Variants in ORAI2 observed in about 807,000 individuals in gnomAD.
The protein encoded by ORAI2 is ORAI calcium release-activated calcium modulator 2, also known as protein orai-2.
Under a neutral mutation model 16.2 loss-of-function variants are expected in ORAI2, and 10 were observed. The observed-to-expected ratio is 0.62, with a 90% CI of 0.38 to 1.04. The LOEUF (loss-of-function observed/expected upper bound fraction) is 1.04. Ranked by LOEUF, ORAI2 falls within the 50% of genes least tolerant of loss-of-function variation. The pLI is 0.01. For missense variants in ORAI2, 238 were observed against 355.5 expected (o/e 0.67, Z 2.66); for synonymous variants, 150 against 157.5 (o/e 0.95, Z 0.35).
At position 102,446,835 on chromosome 7, in the gene ORAI2, G is replaced by GC; in HGVS notation, c.554dup (p.Pro186ThrfsTer63). 1 of 1,613,796 alleles carries GC rather than the reference G, an allele frequency of 6.2e-7. No homozygotes were observed. Among genetic ancestry groups the GC allele is most frequent in the Non-Finnish European group, 8.5e-7 (1 of 1,179,992 alleles). On this transcript the variant is annotated frameshift_variant, in exon 4 of 4. Coordinates refer to ENST00000495936, the MANE Select transcript of ORAI2 (RefSeq NM_001126340.3). LOFTEE classifies it high-confidence loss of function. ...CCCGTGGATGCCCGGCGCCAGCCTGGCCCCCCACCTGGCCCTGGGAGTCAC... is the reference window on the plus strand; with the variant it reads ...CCCGTGGATGCCCGGCGCCAGCCTGGCCCCCCCACCTGGCCCTGGGAGTCAC...
intron 3 of ORAI2, among the ~76,000 whole-genome samples, chr7:102,444,469 T>G (rs1330980418): frequency 6.6e-6 from 1 of 150,726 alleles, no homozygotes; most frequent in Admixed American, 6.7e-5. Context: ...GCCAGGCTGG[T>G]CTCCAACTCC....
rs1348429625 is a variant in ORAI2 at position 102,456,714 on chromosome 7, C to T, written c.*9662C>T. ...CAGCTCTTTAGTCTAAACTTCAAATCTTCAACCCTGTTCCCTAATCCAACA... is the reference window on the plus strand; with the variant it reads ...CAGCTCTTTAGTCTAAACTTCAAATTTTCAACCCTGTTCCCTAATCCAACA... On this transcript the variant is annotated 3_prime_UTR_variant, in exon 4 of 4. Coordinates refer to ENST00000495936, the MANE Select transcript of ORAI2 (RefSeq NM_001126340.3). 2 of 152,228 alleles carry T rather than the reference C, an allele frequency of 1.3e-5. No individual in the cohort carries two copies. Among genetic ancestry groups the T allele is most frequent in the African/African-American group, 4.8e-5 (2 of 41,450 alleles). The allele number at this position is 152,228 out of a possible 1,614,324, so 9.4% of individuals were successfully genotyped here.
chr7:102,453,148 A>AT lies in ORAI2; in HGVS notation c.*6101dup, dbSNP rs1242600848. 1 of 151,700 alleles carries AT rather than the reference A, an allele frequency of 6.6e-6. No individual in the cohort carries two copies. Among genetic ancestry groups the AT allele is most frequent in the Non-Finnish European group, 1.5e-5 (1 of 67,926 alleles). 9.4% of individuals were successfully genotyped at this position (151,700 alleles called of 1,614,324 possible). A position where few individuals can be genotyped will look rare whatever the true frequency, so the allele number is the denominator to read the frequency against. ...GCCACCACACCTGGCTTATTTTTGT[A>AT]TTTTTAGTAGAGATGGGGTTTCTCC... On this transcript the variant is annotated 3_prime_UTR_variant, in exon 4 of 4. Transcript: ENST00000495936.
intron 3 of ORAI2, among the ~76,000 whole-genome samples, chr7:102,439,394 G>T (rs1444433263): frequency 1.3e-5 from 2 of 152,144 alleles, no homozygotes; most frequent in African/African-American, 4.8e-5. Flanking sequence ...CCCAGCTCTA[G>T]AATCTTCAGA....
intron 2 of ORAI2, among the ~76,000 whole-genome samples, chr7:102,438,394 C>T (rs906058645): frequency 6.6e-6 from 1 of 152,136 alleles, no homozygotes. Context: ...GAAATATCCC[C>T]ATTCTCACGA....
chr7:102,442,822 C>T (rs1296350413), intron 3 of ORAI2, among the ~76,000 whole-genome samples: 1 of 151,216 alleles, frequency 6.6e-6, no homozygotes, highest in Non-Finnish European at 1.5e-5. Context: ...TGCCACTGCA[C>T]TCCACCCTGG....
In ORAI2 at chr7:102,433,893, G is replaced by C. The variant is rs550724127; in HGVS notation, c.-123+232G>C. 1.3e-5 allele frequency among the ~76,000 whole-genome samples: 2 copies of C among 151,914 alleles called. No individual in the cohort carries two copies. The highest frequency in any genetic ancestry group is 4.8e-5 in the African/African-American group (2 of 41,386). ...CGGTTCCGGACACCGGGGCGTCCCTGGGGGAGGGACAGGGATGCAGCCTAG... is the reference window on the plus strand; with the variant it reads ...CGGTTCCGGACACCGGGGCGTCCCTCGGGGAGGGACAGGGATGCAGCCTAG... On this transcript the variant is annotated intron_variant, in intron 1 of 3. Transcript: ENST00000495936. This position sits in a 1 kb window ranked among gnomAD's most constrained non-coding sequence, Gnocchi z 4.6.
intron 2 of ORAI2, among the ~76,000 whole-genome samples, chr7:102,438,711 T>G (rs1219025502): frequency 6.6e-6 from 1 of 151,438 alleles, no homozygotes; most frequent in South Asian, 2.1e-4. Flanking sequence ...AGCTGGAGTT[T>G]CCAATGAGGT....
At chr7:102,446,138 A>G (rs562381908) in intron 3 of ORAI2, among the ~76,000 whole-genome samples, 14 of 152,102 alleles carry the variant, frequency 9.2e-5, no homozygotes, top group Middle Eastern at 3.4e-3. Flanking sequence ...TAGTAGAGAC[A>G]GGGTTTCACC....
Position 102,448,293 on chromosome 7 carries a change from C to G in ORAI2, c.*1241C>G, listed in dbSNP as rs755440145. 6.6e-6 allele frequency: 1 copy of G among 152,322 alleles called. No individual in the cohort carries two copies. 9.4% of individuals were successfully genotyped at this position (152,322 alleles called of 1,614,324 possible). A position where few individuals can be genotyped will look rare whatever the true frequency, so the allele number is the denominator to read the frequency against. On this transcript the variant is annotated 3_prime_UTR_variant, in exon 4 of 4. Coordinates refer to ENST00000495936, the MANE Select transcript of ORAI2 (RefSeq NM_001126340.3). ...TCTGGTAGACCCGAAGCCACGCTCT[C>G]GGGCCGCACATGCACGCCGCAGCAC...
chr7:102,447,187 G>A lies in ORAI2; in HGVS notation c.*135G>A. The stretch of plus-strand genomic sequence containing the variant: ...TTTTCCTCTTGTCTTAATACCATAA[G>A]GACTGGATGACTTCTCCTGAGATAG... On this transcript the variant is annotated 3_prime_UTR_variant, in exon 4 of 4. Transcript: ENST00000495936. The A allele has an allele frequency of 1.0e-6, 1 of 965,130 alleles. No individual in the cohort carries two copies. The highest frequency in any genetic ancestry group is 1.5e-6 in the Non-Finnish European group (1 of 670,764). 59.8% of individuals were successfully genotyped at this position (965,130 alleles called of 1,614,324 possible). A position where few individuals can be genotyped will look rare whatever the true frequency, so the allele number is the denominator to read the frequency against.
At position 102,436,435 on chromosome 7, in the gene ORAI2, A is replaced by G. The variant is rs1034819418; in HGVS notation, c.-14+102A>G. 6 of 727,494 alleles carry G rather than the reference A, an allele frequency of 8.2e-6. No individual in the cohort carries two copies. In the South Asian group the frequency reaches 3.7e-4, roughly 45 times the overall value. The allele number at this position is 727,494 out of a possible 1,614,324, so 45.1% of individuals were successfully genotyped here. ...GTAGCCTTGTTGAGAACAAAGGGAA[A>G]GGCGACACTGTTTTCCACCTCCAGC... On this transcript the variant is annotated intron_variant, in intron 2 of 3. Coordinates refer to ENST00000495936, the MANE Select transcript of ORAI2 (RefSeq NM_001126340.3).
At position 102,437,790 on chromosome 7, in the gene ORAI2, C is replaced by T. The variant is rs143442642; in HGVS notation, c.-13-1154C>T. 9.1e-4 allele frequency among the ~76,000 whole-genome samples: 139 copies of T among 152,246 alleles called. 1 individual carries two copies. The East Asian group carries it at 0.022, about 24-fold the overall frequency. ...GTGAGGCCGGGTGCAGTGGCCCACA[C>T]GTGTAATCCCAGCACTTTGGGAGGT... On this transcript the variant is annotated intron_variant, in intron 2 of 3. Coordinates refer to ENST00000495936, the MANE Select transcript of ORAI2 (RefSeq NM_001126340.3).
Position 102,449,167 on chromosome 7 carries a change from C to T in ORAI2, c.*2115C>T, listed in dbSNP as rs1797458750. 1.3e-5 allele frequency: 2 copies of T among 152,264 alleles called. No individual in the cohort carries two copies. Among genetic ancestry groups the T allele is most frequent in the Admixed American group, 1.3e-4 (2 of 15,276 alleles). 9.4% of individuals were successfully genotyped at this position (152,264 alleles called of 1,614,324 possible). A position where few individuals can be genotyped will look rare whatever the true frequency, so the allele number is the denominator to read the frequency against. ...CTGAGGGGTTCGTCCTTTGTGTCCC[C>T]TGCAGACATTTGTCTGCGACCTTTG... On this transcript the variant is annotated 3_prime_UTR_variant, in exon 4 of 4. Coordinates refer to ENST00000495936, the MANE Select transcript of ORAI2 (RefSeq NM_001126340.3).
Position 102,447,139 on chromosome 7 carries a change from T to A in ORAI2, c.*87T>A. 2.2e-6 allele frequency: 3 copies of A among 1,393,092 alleles called. No individual in the cohort carries two copies. The highest frequency in any genetic ancestry group is 2.8e-6 in the Non-Finnish European group (3 of 1,059,386). The allele number at this position is 1,393,092 out of a possible 1,614,324, so 86.3% of individuals were successfully genotyped here. A position where few individuals can be genotyped will look rare whatever the true frequency, so the allele number is the denominator to read the frequency against. On this transcript the variant is annotated 3_prime_UTR_variant, in exon 4 of 4. Transcript: ENST00000495936. ...GTCAGATGCAGACATTTTGCAAGGC[T>A]GCCGGGTAGTTCAAGACCAAAGTTT...
rs1797518100 is a variant in ORAI2, at chr7:102,451,505, A to G, written c.*4453A>G. 6.6e-6 allele frequency: 1 copy of G among 152,214 alleles called. No individual in the cohort carries two copies. The highest frequency in any genetic ancestry group is 1.5e-5 in the Non-Finnish European group (1 of 68,078). The allele number at this position is 152,214 out of a possible 1,614,324, so 9.4% of individuals were successfully genotyped here. ...CTTACCTGCCTCGTGCTGATGATCT[A>G]TGCATGGCGTTATGTAGATCACGTG... On this transcript the variant is annotated 3_prime_UTR_variant, in exon 4 of 4. Coordinates refer to ENST00000495936, the MANE Select transcript of ORAI2 (RefSeq NM_001126340.3).
In ORAI2 at chr7:102,446,832, C is replaced by T. The variant is rs1162288359; in HGVS notation, c.545C>T (p.Pro182Leu). Residue 182 changes from proline (P) to leucine (L), a missense_variant, in exon 4 of 4, where the codon CCT becomes CTT. Physicochemically the swap from Pro to Leu is moderately conservative, Grantham distance 98. This residue lies in a region of ORAI2 where 176 missense variants were observed against 265.9 expected (regional missense o/e 0.66). Transcript: ENST00000495936. The stretch of plus-strand genomic sequence containing the variant: ...CTCCCCGTGGATGCCCGGCGCCAGC[C>T]TGGCCCCCCACCTGGCCCTGGGAGT... ...KFLPVDARRQ[P>L]GPPPGPGSHT... 1.2e-6 allele frequency: 2 copies of T among 1,613,804 alleles called. No individual in the cohort carries two copies. Among genetic ancestry groups the T allele is most frequent in the Non-Finnish European group, 1.7e-6 (2 of 1,180,016 alleles).
At chr7:102,434,166 C>G (rs1010034317) in intron 1 of ORAI2, among the ~76,000 whole-genome samples, 1 of 151,434 alleles carries the variant, frequency 6.6e-6, no homozygotes, top group Non-Finnish European at 1.5e-5. Flanking sequence ...AAGGTTCAGT[C>G]CCGGAGCATC....
rs1797483252 is a variant in ORAI2 at position 102,450,068 on chromosome 7, T to G, written c.*3016T>G. The G allele has an allele frequency of 6.6e-6, 1 of 152,156 alleles. No individual in the cohort carries two copies. The allele number at this position is 152,156 out of a possible 1,614,324, so 9.4% of individuals were successfully genotyped here. A position where few individuals can be genotyped will look rare whatever the true frequency, so the allele number is the denominator to read the frequency against. ...TGAACCCAGAAGGCAGAGGTAGCAGTGAGCCAAGATGGTGCCACTGCACTC... is the reference window on the plus strand; with the variant it reads ...TGAACCCAGAAGGCAGAGGTAGCAGGGAGCCAAGATGGTGCCACTGCACTC... On this transcript the variant is annotated 3_prime_UTR_variant, in exon 4 of 4. Coordinates refer to ENST00000495936, the MANE Select transcript of ORAI2 (RefSeq NM_001126340.3).
Sources: gnomAD v4.1 joint callset for allele counts (sites outside exome capture counted in the v4.1 genomes callset) on GRCh38, gnomAD v4.1.1 for gene constraint, gnomAD v4.1.1 regional missense constraint, Gnocchi (gnomAD v3.1) non-coding constraint, MANE v1.5 for transcripts, NCBI Gene and HGNC (gene_info 2026-07-23, HGNC 2026-07-21) for gene names.